The following DNAH8 variants were observed in gnomAD, a reference collection of about 807,000 sequenced individuals.
DNAH8 encodes dynein axonemal heavy chain 8.
Under a neutral mutation model 562.1 loss-of-function variants are expected in DNAH8, and 382 were observed. The ratio of observed to expected loss-of-function variants is 0.68; its 90% CI spans 0.63 to 0.74. The LOEUF (loss-of-function observed/expected upper bound fraction) is 0.74, where lower values mean the gene tolerates loss of function less well. Ranked by LOEUF, DNAH8 falls within the 30% of genes least tolerant of loss-of-function variation. The probability of loss-of-function intolerance (pLI) is 0.00; values close to 1 mark genes in which losing one functional copy is unlikely to be tolerated. For synonymous variants in DNAH8, 1,881 were observed against 1,919.4 expected, an observed-to-expected ratio of 0.98 and a Z score of 0.52; for missense variants, 5,203 against 5,620.4, an observed-to-expected ratio of 0.93 and a Z score of 2.37.
intron 73 of DNAH8, chr6:38,925,042 T>G (rs1458757421): frequency 4.6e-5 from 7 of 152,224 alleles, no homozygotes; most frequent in Admixed American, 3.3e-4. Context: ...TGCTCTCCAG[T>G]TGCTGTTTCC....
intron 82 of DNAH8, among the ~76,000 whole-genome samples, chr6:38,959,819 G>A (rs1762492150): frequency 6.6e-6 from 1 of 151,322 alleles, no homozygotes; most frequent in African/African-American, 2.4e-5. Flanking sequence ...GCAGTCTTGA[G>A]CATTAAAAAA....
intron 82 of DNAH8, 105 bp from the exon 83 acceptor site, chr6:38,971,487 T>TTA: frequency 3.1e-6 from 2 of 653,804 alleles, no homozygotes; most frequent in Non-Finnish European, 2.3e-6. Flanking sequence ...TTTTTTTTTT[T>TTA]AGAAACAATA....
chr6:38,936,900 T>A (rs140654850), intron 77 of DNAH8, among the ~76,000 whole-genome samples: 1 of 152,286 alleles, frequency 6.6e-6, no homozygotes, highest in Admixed American at 6.5e-5. Context: ...TTCGCAGATA[T>A]GGGAACTGTT....
chr6:39,023,766 T>A (rs1263589520), intron 91 of DNAH8, among the ~76,000 whole-genome samples: 3 of 152,200 alleles, frequency 2.0e-5, no homozygotes, highest in Admixed American at 6.5e-5. Context: ...GACAAAATGA[T>A]CAAGACTTGA....
chr6:38,905,745 G>A (rs1484463956), intron 62 of DNAH8, among the ~76,000 whole-genome samples: 2 of 152,104 alleles, frequency 1.3e-5, no homozygotes, highest in African/African-American at 4.8e-5. Flanking sequence ...TATTTGTTTT[G>A]AATGGTAACA....
At chr6:38,835,318 CAAAA>C (rs35817690) in intron 32 of DNAH8, among the ~76,000 whole-genome samples, 2 of 134,286 alleles carry the variant, frequency 1.5e-5, no homozygotes. Flanking sequence ...TCTTAGTAAT[CAAAA>C]AAAAAAAAAA....
chr6:38,915,952 TACAC>T (rs755200866), intron 68 of DNAH8, among the ~76,000 whole-genome samples: 4 of 152,102 alleles, frequency 2.6e-5, no homozygotes, highest in Non-Finnish European at 2.9e-5. Context: ...ACACTGCTAA[TACAC>T]ACACATATAA....
At chr6:38,910,917 C>T (rs1780841624) in intron 65 of DNAH8, among the ~76,000 whole-genome samples, 1 of 152,148 alleles carries the variant, frequency 6.6e-6, no homozygotes, top group Non-Finnish European at 1.5e-5. Flanking sequence ...TGTAATAAAG[C>T]CACAATAAAG....
intron 88 of DNAH8, among the ~76,000 whole-genome samples, chr6:39,001,107 G>C (rs9380821): frequency 0.4 from 60,860 of 152,032 alleles, 12,581 homozygotes; most frequent in Non-Finnish European, 0.45. Flanking sequence ...GGTGCTTAAA[G>C]AGCGGAGTGG....
chr6:38,738,076 T>G, intron 7 of DNAH8, 104 bp downstream of exon 7: 1 of 1,219,806 alleles, frequency 8.2e-7, no homozygotes, highest in Non-Finnish European at 1.2e-6. Flanking sequence ...CTCCTTTGAC[T>G]TTCTTCCAGA....
intron 77 of DNAH8, among the ~76,000 whole-genome samples, chr6:38,937,386 A>G (rs1247504807): frequency 6.6e-6 from 1 of 152,174 alleles, no homozygotes; most frequent in East Asian, 1.9e-4. Flanking sequence ...CAAAACTAAA[A>G]ATAAAATTCA....
chr6:38,814,257 T>C, intron 25 of DNAH8, 128 bp downstream of exon 25: 1 of 648,696 alleles, frequency 1.5e-6, no homozygotes, highest in Middle Eastern at 4.3e-4. Context: ...ATTTAACAAA[T>C]TGGAAATGTC....
intron 3 of DNAH8, among the ~76,000 whole-genome samples, chr6:38,729,352 T>C (rs1455527018): frequency 6.6e-6 from 1 of 152,244 alleles, no homozygotes; most frequent in African/African-American, 2.4e-5. Context: ...GTTTATGTTA[T>C]CTATTTAGTT....
Position 39,012,566 on chromosome 6 carries a change from C to T in DNAH8, c.13643C>T (p.Ala4548Val), listed in dbSNP as rs1766289986. The T allele has an allele frequency of 8.7e-6, 14 of 1,613,910 alleles. No homozygotes were observed. Among genetic ancestry groups the T allele is most frequent in the Non-Finnish European group, 1.1e-5 (13 of 1,179,804 alleles). ...FWFTELLERN[A>V]QFSTWIFEGR... ...TTCACTGAACTTTTGGAAAGAAATG[C>T]TCAGTTTTCTACGTGGATATTTGAA... Residue 4548 changes from alanine (A) to valine (V), a missense_variant, in exon 91 of 93, where the codon GCT becomes GTT. Transcript: ENST00000327475.
chr6:38,742,448 C>G (rs1781722), intron 8 of DNAH8, among the ~76,000 whole-genome samples: 38,784 of 151,642 alleles, frequency 0.26, 5,862 homozygotes, highest in Middle Eastern at 0.35. Context: ...ACAGGCATGC[C>G]CCACCACCAC....
intron 91 of DNAH8, among the ~76,000 whole-genome samples, chr6:39,024,083 A>C (rs1767117111): frequency 6.6e-6 from 1 of 152,250 alleles, no homozygotes; most frequent in African/African-American, 2.4e-5. Flanking sequence ...TCTTTGTAGC[A>C]GATGTGCTAA....
intron 30 of DNAH8, among the ~76,000 whole-genome samples, chr6:38,831,430 CAAAAAAA>C (rs67322321): frequency 1.5e-4 from 13 of 89,022 alleles, no homozygotes; most frequent in South Asian, 4.1e-4. Context: ...GACACCATCT[CAAAAAAA>C]AAAAAAAAAA....
intron 17 of DNAH8, among the ~76,000 whole-genome samples, chr6:38,783,640 TGAGGGGA>T (rs1206713165): frequency 6.6e-6 from 1 of 152,156 alleles, no homozygotes; most frequent in East Asian, 1.9e-4. Context: ...TGCGTGCCTC[TGAGGGGA>T]GGGCTTATGT....
intron 88 of DNAH8, among the ~76,000 whole-genome samples, chr6:39,007,121 G>A (rs1449824189): frequency 6.6e-6 from 1 of 152,126 alleles, no homozygotes; most frequent in Admixed American, 6.5e-5. Flanking sequence ...GTTTTTAAAA[G>A]GATGTTTTTC....
Sources: gnomAD v4.1 joint callset for allele counts (sites outside exome capture counted in the v4.1 genomes callset) on GRCh38, gnomAD v4.1.1 for gene constraint, MANE v1.5 for transcripts, NCBI Gene and HGNC (gene_info 2026-07-23, HGNC 2026-07-21) for gene names.